Variants in PAK2 observed in about 807,000 individuals in gnomAD.
The protein encoded by PAK2 is p21 (RAC1) activated kinase 2, also known as serine/threonine-protein kinase PAK 2.
A neutral mutation model predicts 65.9 loss-of-function variants in PAK2; 21 were observed. The ratio of observed to expected loss-of-function variants is 0.32; its 90% CI spans 0.23 to 0.46. The LOEUF is 0.46. Among genes scored for constraint, PAK2 ranks in the 20% least tolerant of loss-of-function variants. PAK2 has a pLI of 1.00. For synonymous variants in PAK2, 204 were observed against 219.7 expected (o/e 0.93, Z 0.63); for missense variants, 324 against 642.6 (o/e 0.50, Z 5.36).
At chr3:196,746,029 G>T (rs1437851088) in intron 1 of PAK2, among the ~76,000 whole-genome samples, 2 of 147,890 alleles carry the variant, frequency 1.4e-5, no homozygotes, top group Non-Finnish European at 3.0e-5. Flanking sequence ...GGGTTTCACC[G>T]TATTAGCCAG....
At chr3:196,789,106 G>T (rs1012440495) in intron 2 of PAK2, among the ~76,000 whole-genome samples, 1 of 152,226 alleles carries the variant, frequency 6.6e-6, no homozygotes, top group African/African-American at 2.4e-5. Flanking sequence ...CGAAGTGTGA[G>T]AGTGAAGTTG....
chr3:196,782,845 T>TTC lies in PAK2; in HGVS notation c.187+14_187+15dup, dbSNP rs1223337680. The TTC allele has an allele frequency of 6.3e-7, 1 of 1,575,188 alleles. No individual in the cohort carries two copies. Among genetic ancestry groups the TTC allele is most frequent in the Non-Finnish European group, 8.7e-7 (1 of 1,152,866 alleles). ...AGGCACAGAGAAAGGTAAATAGCGC[T>TTC]TCTGGCTTTCAGAGTCTCAGCATTG... is the stretch of plus-strand genomic sequence containing the variant. On this transcript the variant is annotated intron_variant, in intron 2 of 14. Coordinates refer to ENST00000327134, the MANE Select transcript of PAK2 (RefSeq NM_002577.4).
chr3:196,802,571 G>A (rs1017435463), intron 3 of PAK2, among the ~76,000 whole-genome samples: 1 of 152,140 alleles, frequency 6.6e-6, no homozygotes, highest in Non-Finnish European at 1.5e-5. Flanking sequence ...GGCCGGGCGC[G>A]GTGGCTCACG....
At chr3:196,760,611 A>G (rs1423894391) in intron 1 of PAK2, among the ~76,000 whole-genome samples, 1 of 152,190 alleles carries the variant, frequency 6.6e-6, no homozygotes, top group Non-Finnish European at 1.5e-5. Context: ...GGCATCATCC[A>G]TGTGCAGCCG....
intron 2 of PAK2, among the ~76,000 whole-genome samples, chr3:196,788,952 G>A (rs916289022): frequency 2.0e-5 from 3 of 152,170 alleles, no homozygotes; most frequent in African/African-American, 4.8e-5. Flanking sequence ...AGGTCATAAA[G>A]GGCCTTGTAT....
rs1560089766 is a variant in PAK2, at chr3:196,751,667, T to TATATATATATA, written c.-22+11510_-22+11511insATATATATATA. Among the ~76,000 whole-genome samples, 16 of 45,086 alleles carry TATATATATATA rather than the reference T, an allele frequency of 3.5e-4. 1 individual carries two copies. The highest frequency in any genetic ancestry group is 1.2e-3 in the Admixed American group (5 of 4,154). 29.6% of individuals were successfully genotyped at this position (45,086 alleles called of 152,430 possible). A position where few individuals can be genotyped will look rare whatever the true frequency, so the allele number is the denominator to read the frequency against. On this transcript the variant is annotated intron_variant, in intron 1 of 14. Coordinates refer to ENST00000327134, the MANE Select transcript of PAK2 (RefSeq NM_002577.4). Reference sequence around the variant, plus strand: ...CCCCCCAAAAAACACACAAATTTATTTATATACATATATATATATATATAT... The same window carrying TATATATATATA: ...CCCCCCAAAAAACACACAAATTTATTATATATATATATATATACATATATATATATATATAT...
chr3:196,746,575 GC>G (rs1443905275), intron 1 of PAK2, among the ~76,000 whole-genome samples: 1 of 152,156 alleles, frequency 6.6e-6, no homozygotes, highest in Non-Finnish European at 1.5e-5. Flanking sequence ...ACTTTGGGAG[GC>G]CGAGGCAGGT....
chr3:196,766,386 A>G (rs1287668333), intron 1 of PAK2, among the ~76,000 whole-genome samples: 1 of 152,186 alleles, frequency 6.6e-6, no homozygotes, highest in East Asian at 1.9e-4. Context: ...TACATATAAT[A>G]CAAAAAGTTA....
Position 196,818,181 on chromosome 3 carries a change from A to G in PAK2, c.1153+25A>G, listed in dbSNP as rs761999305. The G allele has an allele frequency of 3.5e-6, 3 of 851,402 alleles. No individual in the cohort carries two copies. In the Admixed American group the frequency reaches 5.9e-5, roughly 17 times the overall value. 52.7% of individuals were successfully genotyped at this position (851,402 alleles called of 1,614,324 possible). Reference sequence around the variant, plus strand: ...AGTGAGTAACAAATGGACAATTCACAATCATTTATTATAATTTTCTGCCTT... The same window carrying G: ...AGTGAGTAACAAATGGACAATTCACGATCATTTATTATAATTTTCTGCCTT... On this transcript the variant is annotated intron_variant, in intron 12 of 14. Coordinates refer to ENST00000327134, the MANE Select transcript of PAK2 (RefSeq NM_002577.4).
intron 1 of PAK2, among the ~76,000 whole-genome samples, chr3:196,750,753 G>GT (rs63665262): frequency 0.011 from 578 of 52,532 alleles, 7 homozygotes; most frequent in African/African-American, 0.016. Context: ...CTAAAATAAA[G>GT]TTTAAAAAAA....
Position 196,807,934 on chromosome 3 carries a change from C to T in PAK2, c.709+20C>T, listed in dbSNP as rs1386303007. On this transcript the variant is annotated intron_variant, in intron 7 of 14. Coordinates refer to ENST00000327134, the MANE Select transcript of PAK2 (RefSeq NM_002577.4). ...AATTAAGTATGTTATCTACATTTTA[C>T]ATCATTGTTAAATTGTTCACGGCTC... 2 of 1,583,376 alleles carry T rather than the reference C, an allele frequency of 1.3e-6. No homozygotes were observed. Among genetic ancestry groups the T allele is most frequent in the Non-Finnish European group, 1.7e-6 (2 of 1,155,620 alleles).
chr3:196,808,195 G>GT (rs1212475729), intron 7 of PAK2, among the ~76,000 whole-genome samples: 2 of 152,140 alleles, frequency 1.3e-5, no homozygotes, highest in Non-Finnish European at 2.9e-5. Flanking sequence ...GCATGTGCCT[G>GT]TAATCCCAGC....
intron 2 of PAK2, among the ~76,000 whole-genome samples, chr3:196,794,358 C>T (rs62409451): frequency 0.017 from 2,649 of 152,272 alleles, 25 homozygotes; most frequent in South Asian, 0.064. Flanking sequence ...TCACCAGCAA[C>T]ATCCAAGAAC....
intron 1 of PAK2, among the ~76,000 whole-genome samples, chr3:196,780,090 A>G (rs771001960): frequency 1.3e-5 from 2 of 152,206 alleles, no homozygotes; most frequent in African/African-American, 2.4e-5. Context: ...ACCCCAAAAC[A>G]AAACAAATCC....
intron 2 of PAK2, among the ~76,000 whole-genome samples, chr3:196,789,096 C>T (rs777944038): frequency 6.6e-6 from 1 of 152,078 alleles, no homozygotes; most frequent in Non-Finnish European, 1.5e-5. Flanking sequence ...AGGTTTTGTT[C>T]GAAGTGTGAG....
chr3:196,821,734 G>A (rs140804232), intron 13 of PAK2, among the ~76,000 whole-genome samples: 53 of 152,230 alleles, frequency 3.5e-4, no homozygotes, highest in African/African-American at 1.1e-3. Flanking sequence ...TAGAAATCTC[G>A]TTCATTGCAA....
At chr3:196,746,923 A>G (rs1050966334) in intron 1 of PAK2, among the ~76,000 whole-genome samples, 2 of 151,422 alleles carry the variant, frequency 1.3e-5, no homozygotes, top group African/African-American at 4.8e-5. Context: ...CGTATTTCCT[A>G]GATCATTTCT....
chr3:196,750,412 A>G (rs1479285171), intron 1 of PAK2, among the ~76,000 whole-genome samples: 2 of 151,638 alleles, frequency 1.3e-5, no homozygotes, highest in Non-Finnish European at 2.9e-5. Context: ...CATTCTCCCA[A>G]CTCTGATGAT....
chr3:196,757,492 G>T (rs907178184), intron 1 of PAK2, among the ~76,000 whole-genome samples: 1 of 152,146 alleles, frequency 6.6e-6, no homozygotes, highest in Admixed American at 6.5e-5. Flanking sequence ...GTATCTCTGA[G>T]AAGTGGACTT....
Sources: allele counts gnomAD v4.1 joint callset (sites outside exome capture counted in the v4.1 genomes callset), GRCh38; gene constraint gnomAD v4.1.1; transcripts MANE v1.5; gene names NCBI Gene and HGNC (gene_info 2026-07-23, HGNC 2026-07-21).